Variants in ZBTB20 observed in about 807,000 individuals in gnomAD.
ZBTB20 encodes zinc finger and BTB domain containing 20.
A neutral mutation model predicts 56.9 loss-of-function variants in ZBTB20; 9 were observed. That is an observed-to-expected ratio of 0.16 (90% CI 0.10 to 0.28). The LOEUF is 0.28. Ranked by LOEUF, ZBTB20 falls within the 10% of genes least tolerant of loss-of-function variation. ZBTB20 has a pLI of 1.00. For synonymous variants in ZBTB20, 417 were observed against 420.7 expected (o/e 0.99, Z 0.11); for missense variants, 655 against 1,003.0 (o/e 0.65, Z 4.69).
At chr3:114,956,681 C>T (rs1447289910) in intron 3 of ZBTB20, among the ~76,000 whole-genome samples, 2 of 152,192 alleles carry the variant, frequency 1.3e-5, no homozygotes, top group East Asian at 3.8e-4. Context: ...ATCCAAGAAT[C>T]TTGGTTAACT....
At chr3:115,099,020 T>C (rs1406536354) in intron 1 of ZBTB20, among the ~76,000 whole-genome samples, 1 of 152,148 alleles carries the variant, frequency 6.6e-6, no homozygotes, top group Non-Finnish European at 1.5e-5. Context: ...CTTTGACAAA[T>C]CTGAAATAAA....
chr3:114,965,538 T>C (rs1239711719), intron 3 of ZBTB20, among the ~76,000 whole-genome samples: 1 of 152,182 alleles, frequency 6.6e-6, no homozygotes, highest in East Asian at 1.9e-4. Context: ...TCATGCAGCA[T>C]TTGTCTTTCT....
intron 2 of ZBTB20, among the ~76,000 whole-genome samples, chr3:115,060,257 A>C (rs1048003220): frequency 2.6e-5 from 4 of 152,224 alleles, no homozygotes; most frequent in African/African-American, 9.6e-5. Context: ...CTTTGACTTC[A>C]TATTATCATG....
chr3:115,062,716 C>A (rs1409256468), intron 2 of ZBTB20, among the ~76,000 whole-genome samples: 1 of 151,652 alleles, frequency 6.6e-6, no homozygotes, highest in Non-Finnish European at 1.5e-5. Flanking sequence ...AATGCATGCA[C>A]CAAATCACAT....
At chr3:114,841,989 C>A (rs1198398731) in intron 4 of ZBTB20, among the ~76,000 whole-genome samples, 1 of 152,110 alleles carries the variant, frequency 6.6e-6, no homozygotes, top group Non-Finnish European at 1.5e-5. Context: ...TTATACAACC[C>A]CCTTCATAGT....
At chr3:114,654,099 T>G (rs943191902) in intron 6 of ZBTB20, among the ~76,000 whole-genome samples, 3 of 151,886 alleles carry the variant, frequency 2.0e-5, no homozygotes, top group Non-Finnish European at 2.9e-5. Flanking sequence ...TGTTTTTATT[T>G]CACAGTTTTC....
chr3:114,464,201 G>C (rs924396525), intron 7 of ZBTB20, among the ~76,000 whole-genome samples: 10 of 152,060 alleles, frequency 6.6e-5, no homozygotes, highest in African/African-American at 2.4e-4. Context: ...GGCAATTTAT[G>C]CACATAAAGT....
intron 4 of ZBTB20, among the ~76,000 whole-genome samples, chr3:114,893,062 A>G (rs1012381784): frequency 2.0e-5 from 3 of 152,164 alleles, no homozygotes; most frequent in Non-Finnish European, 4.4e-5. Context: ...TTTACAGAAC[A>G]TGCTCTTGGG....
At chr3:114,368,069 C>G (rs924731711) in intron 10 of ZBTB20, among the ~76,000 whole-genome samples, 1 of 152,204 alleles carries the variant, frequency 6.6e-6, no homozygotes, top group South Asian at 2.1e-4. Flanking sequence ...GTAGCCGACA[C>G]TCAAATTCAC....
At chr3:114,515,037 A>G (rs2045829837) in intron 6 of ZBTB20, among the ~76,000 whole-genome samples, 1 of 152,196 alleles carries the variant, frequency 6.6e-6, no homozygotes, top group African/African-American at 2.4e-5. Flanking sequence ...GTGGCAAGTT[A>G]GGAATGAAAC....
chr3:114,898,673 T>C (rs2074984988), intron 4 of ZBTB20, among the ~76,000 whole-genome samples: 1 of 152,184 alleles, frequency 6.6e-6, no homozygotes, highest in Non-Finnish European at 1.5e-5. Flanking sequence ...GGCAATCCTC[T>C]ACTTACCTTT....
intron 3 of ZBTB20, among the ~76,000 whole-genome samples, chr3:114,911,055 C>T (rs1161795178): frequency 6.6e-6 from 1 of 151,832 alleles, no homozygotes; most frequent in Admixed American, 6.6e-5. Flanking sequence ...CTTCAATACC[C>T]TACATGAGAG....
chr3:114,508,924 T>G (rs888724664), intron 6 of ZBTB20, among the ~76,000 whole-genome samples: 2 of 152,158 alleles, frequency 1.3e-5, no homozygotes, highest in South Asian at 2.1e-4. Flanking sequence ...AGAAACGTTT[T>G]GTTTAGTATC....
intron 5 of ZBTB20, among the ~76,000 whole-genome samples, chr3:114,756,410 T>A (rs916783616): frequency 7.2e-5 from 11 of 152,160 alleles, no homozygotes; most frequent in African/African-American, 2.7e-4. Flanking sequence ...CTGACTGACA[T>A]CTTTCAGTTC....
At chr3:114,767,521 T>C (rs191448383) in intron 5 of ZBTB20, among the ~76,000 whole-genome samples, 1 of 137,956 alleles carries the variant, frequency 7.2e-6, no homozygotes, top group African/African-American at 2.7e-5. Context: ...GAAGGAGAGA[T>C]GAAGGGAGGA....
intron 7 of ZBTB20, among the ~76,000 whole-genome samples, chr3:114,392,926 A>T (rs2086009797): frequency 6.6e-6 from 1 of 152,174 alleles, no homozygotes; most frequent in African/African-American, 2.4e-5. Flanking sequence ...TTTCCAGGGA[A>T]TCTCAGTAAT....
chr3:114,723,109 T>C (rs1168305634), intron 5 of ZBTB20, among the ~76,000 whole-genome samples: 1 of 152,196 alleles, frequency 6.6e-6, no homozygotes, highest in East Asian at 1.9e-4. Context: ...GCAAAAATAA[T>C]ATCAGATCAA....
intron 5 of ZBTB20, among the ~76,000 whole-genome samples, chr3:114,728,506 T>C (rs764943442): frequency 8.5e-5 from 13 of 152,142 alleles, no homozygotes; most frequent in Non-Finnish European, 1.8e-4. Context: ...AGTAAAAAAA[T>C]GGAAGAGCTA....
At chr3:114,660,708 C>A (rs550473086) in intron 6 of ZBTB20, among the ~76,000 whole-genome samples, 1 of 152,160 alleles carries the variant, frequency 6.6e-6, no homozygotes, top group South Asian at 2.1e-4. Context: ...ATAATCAGCA[C>A]AACAAGACAG....
Sources: allele counts gnomAD v4.1 joint callset (sites outside exome capture counted in the v4.1 genomes callset), GRCh38; gene constraint gnomAD v4.1.1; transcripts MANE v1.5; gene names NCBI Gene and HGNC (gene_info 2026-07-23, HGNC 2026-07-21).